KIF21A: variants seen among roughly 807,000 people sequenced by gnomAD.
KIF21A encodes the protein kinesin family member 21A, also known as kinesin-like protein KIF21A.
A neutral mutation model predicts 202.9 loss-of-function variants in KIF21A; 114 were observed. The ratio of observed to expected loss-of-function variants is 0.56; its 90% confidence interval spans 0.48 to 0.66. The LOEUF is 0.66. Ranked by LOEUF, KIF21A falls within the 30% of genes least tolerant of loss-of-function variation. KIF21A has a pLI of 0.00. For synonymous variants in KIF21A, 667 were observed against 670.8 expected (o/e 0.99, Z 0.09); for missense variants, 1,677 against 1,994.9 (o/e 0.84, Z 3.04).
chr12:39,300,395 G>A (rs997233246), intron 37 of KIF21A, among the ~76,000 whole-genome samples: 2 of 152,098 alleles, frequency 1.3e-5, no homozygotes, highest in East Asian at 1.9e-4. Context: ...AAAATAAATC[G>A]GCTCTGATGC....
intron 3 of KIF21A, among the ~76,000 whole-genome samples, 159 bp from the exon 4 acceptor site, chr12:39,368,191 A>G (rs75425008): frequency 1.2e-4 from 19 of 152,322 alleles, no homozygotes; most frequent in Middle Eastern, 3.4e-3. Context: ...GGCTATTATT[A>G]TAACAATTAT....
At chr12:39,318,897 T>G (rs969082890) in intron 28 of KIF21A, among the ~76,000 whole-genome samples, 3 of 151,192 alleles carry the variant, frequency 2.0e-5, no homozygotes, top group Non-Finnish European at 4.4e-5. Flanking sequence ...AGGAGAATGG[T>G]GTGAACCCGG....
chr12:39,372,478 C>T (rs79598960), intron 1 of KIF21A, among the ~76,000 whole-genome samples: 2,084 of 152,262 alleles, frequency 0.014, 62 homozygotes, highest in African/African-American at 0.047. Context: ...GTGGTCTTCT[C>T]TCAGAGCACC....
Position 39,366,422 on chromosome 12 carries a change from T to C in KIF21A, c.831A>G (p.Gly277=). 1 of 1,613,958 alleles carries C rather than the reference T, an allele frequency of 6.2e-7. No homozygotes were observed. Among genetic ancestry groups the C allele is most frequent in the Non-Finnish European group, 8.5e-7 (1 of 1,179,910 alleles). Residue 277 remains glycine (G), a synonymous_variant, in exon 6 of 38, where the codon GGA becomes GGG. Transcript: ENST00000361418. ...CTCCAGTACGCTTCAGTCTTTCAGA[T>C]CCTGCGAGATCAACAAAATGGAACT... The part of the protein sequence containing the change: ...TAKFHFVDLA[G]SERLKRTGAT...
chr12:39,393,933 G>T (rs895162419), intron 1 of KIF21A, among the ~76,000 whole-genome samples: 1 of 152,136 alleles, frequency 6.6e-6, no homozygotes, highest in African/African-American at 2.4e-5. Context: ...AATAGAAGTA[G>T]GCGGGCTTTT....
intron 5 of KIF21A, 98 bp downstream of exon 5, chr12:39,366,932 A>T (rs1052228083): frequency 1.7e-6 from 2 of 1,159,372 alleles, no homozygotes; most frequent in African/African-American, 1.5e-5. Context: ...AGGAATGACT[A>T]AATGAACTGA....
chr12:39,373,439 G>A (rs1048586962), intron 1 of KIF21A, among the ~76,000 whole-genome samples: 30 of 152,108 alleles, frequency 2.0e-4, no homozygotes, highest in African/African-American at 7.0e-4. Context: ...TCCTGTCTGT[G>A]CTCAGGCTGT....
intron 17 of KIF21A, among the ~76,000 whole-genome samples, chr12:39,334,200 C>CAA (rs576176350): frequency 3.8e-4 from 24 of 63,674 alleles, no homozygotes; most frequent in Non-Finnish European, 4.3e-4. Flanking sequence ...GACTCCATCT[C>CAA]AAAAAAAAAA....
intron 11 of KIF21A, among the ~76,000 whole-genome samples, chr12:39,349,092 C>G (rs1948149105): frequency 6.6e-6 from 1 of 151,974 alleles, no homozygotes; most frequent in Non-Finnish European, 1.5e-5. Flanking sequence ...AGGAACGGAT[C>G]AAGGTAGCAT....
rs903146877 is a variant in KIF21A, at chr12:39,322,517, C to G, written c.3671+151G>C. ...TTAAATTATTTCAACTCTCCAATACCTTAGGGGAGACAACACCTAGCAAAT... is the reference window on the plus strand; with the variant it reads ...TTAAATTATTTCAACTCTCCAATACGTTAGGGGAGACAACACCTAGCAAAT... On this transcript the variant is annotated intron_variant, in intron 27 of 37. Coordinates refer to ENST00000361418, the MANE Select transcript of KIF21A (RefSeq NM_001173464.2). The G allele has an allele frequency of 1.8e-5, 11 of 617,992 alleles. No homozygotes were observed. The African/African-American group carries it at 1.8e-4, about 10-fold the overall frequency. 38.3% of individuals were successfully genotyped at this position (617,992 alleles called of 1,614,324 possible).
In KIF21A at chr12:39,395,635, A is replaced by G. The variant is rs914912068; in HGVS notation, c.45-25374T>C. On this transcript the variant is annotated intron_variant, in intron 1 of 37. Transcript: ENST00000361418. Reference sequence around the variant, plus strand: ...GGCGGGCGGGTCTCCTGAGGTCAGGAGTTGGAGACTAGCCTGGCCAACATG... The same window carrying G: ...GGCGGGCGGGTCTCCTGAGGTCAGGGGTTGGAGACTAGCCTGGCCAACATG... Among the ~76,000 whole-genome samples, 43 of 152,028 alleles carry G rather than the reference A, an allele frequency of 2.8e-4. 1 individual carries two copies. Among genetic ancestry groups the G allele is most frequent in the Non-Finnish European group, 8.8e-5 (6 of 68,000 alleles).
chr12:39,351,746 G>A (rs769567906), intron 11 of KIF21A, 31 bp downstream of exon 11: 19 of 1,286,194 alleles, frequency 1.5e-5, no homozygotes, highest in Non-Finnish European at 2.0e-5. Context: ...AGGAAATAGA[G>A]ATTCATTTAG....
chr12:39,319,790 T>C lies in KIF21A; in HGVS notation c.3779+116A>G, dbSNP rs561618407. On this transcript the variant is annotated intron_variant, in intron 28 of 37. Transcript: ENST00000361418. Reference sequence around the variant, plus strand: ...GACTTGACTGTCTTGATTAGTCAAATAGTCATAACCACAGCACCAGCCTAA... The same window carrying C: ...GACTTGACTGTCTTGATTAGTCAAACAGTCATAACCACAGCACCAGCCTAA... 1.4e-4 allele frequency: 98 copies of C among 725,784 alleles called. 1 individual carries two copies. The African/African-American group carries it at 1.5e-3, about 11-fold the overall frequency. The allele number at this position is 725,784 out of a possible 1,614,324, so 45.0% of individuals were successfully genotyped here.
At chr12:39,402,510 C>T (rs923628834) in intron 1 of KIF21A, among the ~76,000 whole-genome samples, 4 of 152,020 alleles carry the variant, frequency 2.6e-5, no homozygotes, top group African/African-American at 9.7e-5. Flanking sequence ...CCAGCCTAGG[C>T]AGGTAACATA....
At chr12:39,382,638 A>G (rs117176305) in intron 1 of KIF21A, among the ~76,000 whole-genome samples, 3 of 152,182 alleles carry the variant, frequency 2.0e-5, no homozygotes, top group Admixed American at 2.0e-4. Context: ...GCTATACGAA[A>G]CAACTCTGAT....
intron 1 of KIF21A, among the ~76,000 whole-genome samples, chr12:39,430,126 G>T (rs1021529996): frequency 2.6e-5 from 4 of 150,984 alleles, no homozygotes; most frequent in Admixed American, 2.0e-4. Context: ...GAGGGAGGAG[G>T]ATCTCTTGAG....
At chr12:39,340,434 T>C in intron 15 of KIF21A, 70 bp from the exon 16 acceptor site, 1 of 1,188,686 alleles carries the variant, frequency 8.4e-7, no homozygotes, top group East Asian at 2.5e-5. Context: ...AGATTTACAG[T>C]CCATATCCTA....
At chr12:39,403,566 G>A (rs1369864399) in intron 1 of KIF21A, among the ~76,000 whole-genome samples, 1 of 152,156 alleles carries the variant, frequency 6.6e-6, no homozygotes, top group Non-Finnish European at 1.5e-5. Flanking sequence ...ACATGACCTA[G>A]GGCAGGTTAC....
intron 3 of KIF21A, among the ~76,000 whole-genome samples, chr12:39,368,843 CTA>C (rs1415380894): frequency 1.1e-4 from 17 of 151,914 alleles, no homozygotes; most frequent in Admixed American, 1.1e-3. Flanking sequence ...GTAATTTAGA[CTA>C]AATTCTCTTT....
Sources: gnomAD v4.1 joint callset for allele counts (sites outside exome capture counted in the v4.1 genomes callset) on GRCh38, gnomAD v4.1.1 for gene constraint, MANE v1.5 for transcripts, NCBI Gene and HGNC (gene_info 2026-07-23, HGNC 2026-07-21) for gene names.